RBFOX1: variants seen among roughly 807,000 people sequenced by gnomAD.
RBFOX1 encodes the protein RNA binding protein fox-1 homolog 1.
RBFOX1 carries 8 observed loss-of-function variants against 57.7 expected under a neutral mutation model. That is an observed-to-expected ratio of 0.14 (90% CI 0.08 to 0.25). RBFOX1 has a LOEUF of 0.25. Ranked by LOEUF, RBFOX1 falls within the 10% of genes least tolerant of loss-of-function variation. RBFOX1 has a pLI of 1.00. For synonymous variants in RBFOX1, 326 were observed against 222.4 expected (o/e 1.47, Z -4.15); for missense variants, 611 against 548.5 (o/e 1.11, Z -1.14).
chr16:7,279,089 C>CTT (rs200732239), intron 4 of RBFOX1, among the ~76,000 whole-genome samples: 119 of 136,540 alleles, frequency 8.7e-4, no homozygotes, highest in African/African-American at 3.1e-3. Flanking sequence ...TCTGGAGACT[C>CTT]TTTTTTTTTT....
At chr16:5,760,825 C>T (rs148219167) in intron 3 of RBFOX1, among the ~76,000 whole-genome samples, 2 of 152,188 alleles carry the variant, frequency 1.3e-5, no homozygotes, top group Admixed American at 6.5e-5. Context: ...GTAGGTTGGT[C>T]GTTACTGGGA....
At chr16:7,418,589 C>T (rs2098507368) in intron 4 of RBFOX1, among the ~76,000 whole-genome samples, 1 of 152,124 alleles carries the variant, frequency 6.6e-6, no homozygotes, top group Non-Finnish European at 1.5e-5. Flanking sequence ...ATGAAAGACC[C>T]AAACAATATT....
chr16:5,612,148 C>T (rs770774312), intron 3 of RBFOX1, among the ~76,000 whole-genome samples: 13 of 151,810 alleles, frequency 8.6e-5, no homozygotes, highest in African/African-American at 2.4e-4. Flanking sequence ...CCCATCCATA[C>T]GTCTACTCTC....
intron 2 of RBFOX1, among the ~76,000 whole-genome samples, chr16:5,561,998 T>G (rs1358893916): frequency 6.6e-6 from 1 of 152,162 alleles, no homozygotes; most frequent in Non-Finnish European, 1.5e-5. Flanking sequence ...TCCAATATGG[T>G]GCTAGAGGGT....
chr16:6,693,312 A>G (rs1332697576), intron 3 of RBFOX1, among the ~76,000 whole-genome samples: 1 of 151,252 alleles, frequency 6.6e-6, no homozygotes, highest in Non-Finnish European at 1.5e-5. Context: ...CTCCACTACC[A>G]ACACCACCAT....
chr16:5,846,611 C>T (rs1447243441), intron 3 of RBFOX1, among the ~76,000 whole-genome samples: 3 of 152,160 alleles, frequency 2.0e-5, no homozygotes, highest in Non-Finnish European at 4.4e-5. Context: ...GAGACCCAAC[C>T]CTGTCCCAAG....
At chr16:7,367,889 C>CACACACAG (rs557298635) in intron 4 of RBFOX1, among the ~76,000 whole-genome samples, 1,525 of 142,066 alleles carry the variant, frequency 0.011, 13 homozygotes, top group Non-Finnish European at 0.018. Context: ...CGTGCATACA[C>CACACACAG]ACACACACAC....
chr16:7,671,795 C>T (rs559717714), intron 13 of RBFOX1, among the ~76,000 whole-genome samples: 2 of 152,182 alleles, frequency 1.3e-5, no homozygotes, highest in Non-Finnish European at 2.9e-5. Flanking sequence ...ATCAGTATAT[C>T]CACTGTGTTG....
chr16:6,605,864 C>G (rs905895480), intron 2 of RBFOX1, among the ~76,000 whole-genome samples: 5 of 152,170 alleles, frequency 3.3e-5, no homozygotes, highest in African/African-American at 1.2e-4. Flanking sequence ...CTCTAGGAGT[C>G]TGAGGCGGGT....
chr16:7,597,176 T>G, intron 8 of RBFOX1, 195 bp from the exon 9 acceptor site: 1 of 471,464 alleles, frequency 2.1e-6, no homozygotes, highest in Non-Finnish European at 3.7e-6. Flanking sequence ...GATTTGTAAG[T>G]TAAACGGTTA....
intron 3 of RBFOX1, among the ~76,000 whole-genome samples, chr16:5,754,838 A>T (rs1182762620): frequency 8.5e-4 from 1 of 1,174 alleles, no homozygotes; most frequent in Non-Finnish European, 1.8e-3. Flanking sequence ...GAGACATTCC[A>T]TTGCCCAGGG....
intron 5 of RBFOX1, among the ~76,000 whole-genome samples, chr16:7,530,089 G>T (rs1277870381): frequency 6.6e-6 from 1 of 151,534 alleles, no homozygotes; most frequent in African/African-American, 2.4e-5. Context: ...GAGACAGCTT[G>T]GATGCTTCAG....
intron 3 of RBFOX1, among the ~76,000 whole-genome samples, chr16:6,843,485 G>T (rs981817060): frequency 1.3e-5 from 2 of 152,036 alleles, no homozygotes; most frequent in African/African-American, 4.8e-5. Flanking sequence ...TCAGGAGATC[G>T]AGACCATCCT....
chr16:5,680,146 G>A (rs369294489), intron 3 of RBFOX1, among the ~76,000 whole-genome samples: 2 of 152,204 alleles, frequency 1.3e-5, no homozygotes, highest in Non-Finnish European at 2.9e-5. Flanking sequence ...GAAGATATGT[G>A]TGGGGGGTAA....
At chr16:6,537,521 G>C (rs1232164263) in intron 2 of RBFOX1, among the ~76,000 whole-genome samples, 1 of 152,196 alleles carries the variant, frequency 6.6e-6, no homozygotes, top group South Asian at 2.1e-4. Context: ...TTAGTGATGT[G>C]ATCGAGTTGC....
intron 1 of RBFOX1, among the ~76,000 whole-genome samples, chr16:5,443,378 C>A (rs2068144044): frequency 6.6e-6 from 1 of 152,174 alleles, no homozygotes; most frequent in African/African-American, 2.4e-5. Context: ...CACTCTGTTA[C>A]CCAGGCTGGA....
At chr16:7,115,191 T>G (rs183231783) in intron 4 of RBFOX1, among the ~76,000 whole-genome samples, 7 of 152,298 alleles carry the variant, frequency 4.6e-5, no homozygotes, top group Admixed American at 1.3e-4. Flanking sequence ...GGTATTTTTT[T>G]AATTAACTGA....
At chr16:5,843,017 CGGGGTTT>C (rs2056664176) in intron 3 of RBFOX1, among the ~76,000 whole-genome samples, 1 of 151,870 alleles carries the variant, frequency 6.6e-6, no homozygotes, top group African/African-American at 2.4e-5. Flanking sequence ...TTAGTAGAGA[CGGGGTTT>C]CACCATGTTG....
intron 1 of RBFOX1, among the ~76,000 whole-genome samples, chr16:6,240,739 G>A (rs1476880852): frequency 3.3e-5 from 5 of 151,896 alleles, no homozygotes; most frequent in African/African-American, 1.2e-4. Flanking sequence ...GAACACTGAC[G>A]TCTTGGCTAC....
Sources: gnomAD v4.1 joint callset for allele counts (sites outside exome capture counted in the v4.1 genomes callset) on GRCh38, gnomAD v4.1.1 for gene constraint, MANE v1.5 for transcripts, NCBI Gene and HGNC (gene_info 2026-07-23, HGNC 2026-07-21) for gene names.